Variants in HPN observed in about 807,000 individuals in gnomAD.
HPN encodes the protein hepsin.
A neutral mutation model predicts 55.9 loss-of-function variants in HPN; 13 were observed. That is an observed-to-expected ratio of 0.23 (90% CI 0.15 to 0.37). HPN has a LOEUF of 0.37. HPN is among the 10% of genes least tolerant of loss of function. The probability of loss-of-function intolerance (pLI) is 1.00; values close to 1 mark genes in which losing one functional copy is unlikely to be tolerated. For missense variants in HPN, 451 were observed against 575.8 expected (o/e 0.78, Z 2.22); for synonymous variants, 225 against 240.3 (o/e 0.94, Z 0.59).
chr19:35,059,939 G>C lies in HPN; in HGVS notation c.356G>C (p.Cys119Ser). The change falls in exon 6 of 13, where the codon TGT becomes TCT. Residue 119 changes from cysteine (C) to serine (S), a missense_variant. This residue lies in a region of HPN where 378 missense variants were observed against 445.5 expected (regional missense o/e 0.85). Transcript: ENST00000672452. ...AGANGTSGFFCVDEGRLPHTQ... is the reference protein window; with the variant it reads ...AGANGTSGFFSVDEGRLPHTQ... ...GCCAATGGCACGTCGGGCTTCTTCT[G>C]TGTGGACGAGGGGAGGCTGCCCCAC... 6.5e-7 allele frequency: 1 copy of C among 1,537,126 alleles called. No homozygotes were observed. Among genetic ancestry groups the C allele is most frequent in the Non-Finnish European group, 8.7e-7 (1 of 1,143,040 alleles).
chr19:35,053,590 C>A (rs1462363170), intron 4 of HPN, among the ~76,000 whole-genome samples: 1 of 152,098 alleles, frequency 6.6e-6, no homozygotes, highest in African/African-American at 2.4e-5. Context: ...ACTAAAAATA[C>A]AAAAATTAGC....
chr19:35,050,371 C>A, intron 4 of HPN: 10 of 531,766 alleles, frequency 1.9e-5, no homozygotes, highest in South Asian at 1.5e-4. Flanking sequence ...ATCCACCCGC[C>A]TCGGCCTCCC....
At chr19:35,043,341 CTGGAGGGGCGCA>C (rs1480836704) in intron 2 of HPN, among the ~76,000 whole-genome samples, 2 of 152,186 alleles carry the variant, frequency 1.3e-5, no homozygotes, top group Non-Finnish European at 2.9e-5. Context: ...TGGGACCCAG[CTGGAGGGGCGCA>C]TGGAGGGGCG....
At position 35,041,871 on chromosome 19, in the gene HPN, G is replaced by T; in HGVS notation, c.-56G>T. 2 of 1,340,988 alleles carry T rather than the reference G, an allele frequency of 1.5e-6. No individual in the cohort carries two copies. Among genetic ancestry groups the T allele is most frequent in the East Asian group, 4.8e-5 (1 of 20,900 alleles). The allele number at this position is 1,340,988 out of a possible 1,614,324, so 83.1% of individuals were successfully genotyped here. On this transcript the variant is annotated splice_region_variant and 5_prime_UTR_variant, in exon 1 of 13. The change creates a new upstream start codon in the 5' untranslated region. Coordinates refer to ENST00000672452, the MANE Select transcript of HPN (RefSeq NM_001384133.1). ...CTCCGCCCCCACCTGCTGGACCCCA[G>T]GGTAAGGACAAGGGCCCCCAGACTC...
At chr19:35,064,435 G>A (rs2064576301) in intron 9 of HPN, among the ~76,000 whole-genome samples, 1 of 151,278 alleles carries the variant, frequency 6.6e-6, no homozygotes, top group African/African-American at 2.4e-5. Flanking sequence ...TGCAAACTCT[G>A]CCTCCTAGGT....
intron 2 of HPN, among the ~76,000 whole-genome samples, chr19:35,045,139 G>T (rs147771179): frequency 6.6e-6 from 1 of 152,226 alleles, no homozygotes; most frequent in East Asian, 1.9e-4. Flanking sequence ...GACTGCAGGA[G>T]CCCTGACCTG....
At position 35,060,781 on chromosome 19, in the gene HPN, G is replaced by T. The variant is rs1167588939; in HGVS notation, c.775G>T (p.Ala259Ser). 1 of 1,605,692 alleles carries T rather than the reference G, an allele frequency of 6.2e-7. No homozygotes were observed. The highest frequency in any genetic ancestry group is 1.7e-5 in the Admixed American group (1 of 59,422). The change falls in exon 9 of 13, where the codon GCC becomes TCC. Residue 259 changes from alanine to serine, a missense_variant. Ala to Ser is a moderately conservative substitution (Grantham distance 99, BLOSUM62 1). Transcript: ENST00000672452. ...PNSEENSNDIALVHLSSPLPL... is the reference protein window; with the variant it reads ...PNSEENSNDISLVHLSSPLPL... ...CAGCGAGGAGAACAGCAACGATATT[G>T]CCCTGGTCCACCTCTCCAGTCCCCT...
intron 9 of HPN, among the ~76,000 whole-genome samples, chr19:35,062,781 G>A (rs903233418): frequency 6.6e-6 from 1 of 151,994 alleles, no homozygotes; most frequent in African/African-American, 2.4e-5. Context: ...CTTGGGAGGC[G>A]GAGGCAGGAG....
At chr19:35,049,675 C>T (rs547620535) in intron 4 of HPN, among the ~76,000 whole-genome samples, 159 bp downstream of exon 4, 71 of 152,288 alleles carry the variant, frequency 4.7e-4, no homozygotes, top group African/African-American at 1.6e-3. Context: ...GTACCAGGCA[C>T]TATTCTAAGC....
At chr19:35,061,632 A>G (rs1214871308) in intron 9 of HPN, among the ~76,000 whole-genome samples, 2 of 152,118 alleles carry the variant, frequency 1.3e-5, no homozygotes, top group Non-Finnish European at 2.9e-5. Flanking sequence ...AAAATGTGGT[A>G]TATCCACACA....
intron 4 of HPN, among the ~76,000 whole-genome samples, chr19:35,055,504 A>G (rs1301077505): frequency 6.6e-6 from 1 of 151,880 alleles, no homozygotes; most frequent in African/African-American, 2.4e-5. Flanking sequence ...TGTCAGCCCC[A>G]TCTTTTCAGG....
At chr19:35,055,979 T>C (rs2064451269) in intron 4 of HPN, among the ~76,000 whole-genome samples, 1 of 151,998 alleles carries the variant, frequency 6.6e-6, no homozygotes, top group African/African-American at 2.4e-5. Context: ...AGCTCCCACC[T>C]GATCTGCCCC....
rs556714956 is a variant in HPN, at chr19:35,045,973, C to T, written c.17-3317C>T. Among the ~76,000 whole-genome samples, 3 of 152,328 alleles carry T rather than the reference C, an allele frequency of 2.0e-5. No individual in the cohort carries two copies. The South Asian group carries it at 6.2e-4, about 32-fold the overall frequency. On this transcript the variant is annotated intron_variant, in intron 2 of 12. Transcript: ENST00000672452. ...ATTGCTTCCTGTCCCACCAGATGTG[C>T]CAAGGCCTCTAGGCTGCATTCTGCA... is the stretch of plus-strand genomic sequence containing the variant.
At chr19:35,066,123 G>C in intron 12 of HPN, 91 bp downstream of exon 12, 8 of 1,612,646 alleles carry the variant, frequency 5.0e-6, no homozygotes, top group Non-Finnish European at 6.8e-6. Flanking sequence ...GGAAACCTAC[G>C]CTCAGGCCTA....
chr19:35,056,754 A>T (rs2064459323), intron 4 of HPN, among the ~76,000 whole-genome samples: 1 of 152,084 alleles, frequency 6.6e-6, no homozygotes. Context: ...CTCCAGGATC[A>T]CCCCTCACTG....
At chr19:35,049,190 A>G (rs2064376920) in intron 2 of HPN, 100 bp from the exon 3 acceptor site, 2 of 778,160 alleles carry the variant, frequency 2.6e-6, no homozygotes, top group Admixed American at 3.0e-5. Context: ...CTTGGGCATA[A>G]TAAGTTAGCC....
intron 2 of HPN, among the ~76,000 whole-genome samples, chr19:35,048,214 G>A (rs531110343): frequency 8.5e-5 from 13 of 152,142 alleles, no homozygotes; most frequent in Admixed American, 3.3e-4. Context: ...AGGCACTTCC[G>A]CACAGTGAGA....
chr19:35,041,409 G>A (rs537004106), upstream of HPN, among the ~76,000 whole-genome samples: 1 of 152,196 alleles, frequency 6.6e-6, no homozygotes, highest in East Asian at 1.9e-4. Flanking sequence ...GGTTCGCTGG[G>A]TGAGGGTGGA....
chr19:35,049,032 C>T (rs1020843296), intron 2 of HPN, among the ~76,000 whole-genome samples: 7 of 152,166 alleles, frequency 4.6e-5, no homozygotes, highest in East Asian at 1.9e-4. Context: ...AAGTGCAGGG[C>T]GGAGGTGGAG....
Sources: allele counts gnomAD v4.1 joint callset (sites outside exome capture counted in the v4.1 genomes callset), GRCh38; gene constraint gnomAD v4.1.1; regional missense constraint gnomAD v4.1.1; transcripts MANE v1.5; gene names NCBI Gene and HGNC (gene_info 2026-07-23, HGNC 2026-07-21).